Variants in ABCD3 observed in about 807,000 individuals in gnomAD.
The protein encoded by ABCD3 is ATP-binding cassette sub-family D member 3.
ABCD3 carries 41 observed loss-of-function variants against 105.5 expected under a neutral mutation model. The observed-to-expected ratio is 0.39, with a 90% CI of 0.30 to 0.50. The LOEUF (loss-of-function observed/expected upper bound fraction) is 0.50, where lower values mean the gene tolerates loss of function less well. ABCD3 is among the 20% of genes least tolerant of loss of function. The pLI is 0.84. For synonymous variants in ABCD3, 258 were observed against 269.0 expected, an observed-to-expected ratio of 0.96 and a Z score of 0.40; for missense variants, 622 against 806.3, an observed-to-expected ratio of 0.77 and a Z score of 2.77.
chr1:94,495,194 TCTTTTA>T (rs1649738271), intron 16 of ABCD3, among the ~76,000 whole-genome samples: 1 of 152,230 alleles, frequency 6.6e-6, no homozygotes, highest in South Asian at 2.1e-4. Context: ...ATATAATTTT[TCTTTTA>T]CTTAAATTTA....
intron 16 of ABCD3, among the ~76,000 whole-genome samples, chr1:94,493,871 A>C (rs1208558176): frequency 6.6e-6 from 1 of 151,610 alleles, no homozygotes; most frequent in African/African-American, 2.4e-5. Flanking sequence ...GCATATTCTC[A>C]CTCATAGGTG....
At chr1:94,478,650 A>G in intron 8 of ABCD3, 2 of 1,001,810 alleles carry the variant, frequency 2.0e-6, no homozygotes, top group Non-Finnish European at 2.9e-6. Context: ...CAGGAGTTCG[A>G]GACAAGCCTG....
At position 94,475,674 on chromosome 1, in the gene ABCD3, G is replaced by A; in HGVS notation, c.564G>A (p.Leu188=). The A allele has an allele frequency of 1.2e-6, 2 of 1,611,284 alleles. No homozygotes were observed. The highest frequency in any genetic ancestry group is 1.7e-6 in the Non-Finnish European group (2 of 1,177,770). Residue 188 remains leucine, a synonymous_variant, in exon 7 of 23, where the codon CTG becomes CTA. Coordinates refer to ENST00000370214, the MANE Select transcript of ABCD3 (RefSeq NM_002858.4). ...LDNRIANPDQ[L]LTQDVEKFCN... ...ACAGAATAGCTAATCCAGACCAGCT[G>A]CTTACACAAGATGTAGAAAAATTTT...
the ABCD3 span, among the ~76,000 whole-genome samples, chr1:94,387,740 T>C: frequency 6.6e-6 from 1 of 152,250 alleles, no homozygotes; most frequent in African/African-American, 2.4e-5. Context: ...TGTTATGCGA[T>C]CTTCAGCTCT....
rs1178646992 is a variant in ABCD3 at position 94,499,501 on chromosome 1, A to C, written c.1627A>C (p.Lys543Gln). Residue 543 changes from lysine to glutamine, a missense_variant, in exon 20 of 23, where the codon AAG becomes CAG. Lys to Gln is a moderately conservative substitution (Grantham distance 53, BLOSUM62 1). Coordinates refer to ENST00000370214, the MANE Select transcript of ABCD3 (RefSeq NM_002858.4). ...TTAATCATTTTGCTGAAAGGTACTGAAGGAATACTTAGACAATGTCCAGTT... is the reference window on the plus strand; with the variant it reads ...TTAATCATTTTGCTGAAAGGTACTGCAGGAATACTTAGACAATGTCCAGTT... ...KRKGISDLVL[K>Q]EYLDNVQLGH... is the part of the protein sequence containing the mutation. 6.8e-6 allele frequency: 11 copies of C among 1,613,316 alleles called. No individual in the cohort carries two copies. In the Admixed American group the frequency reaches 1.8e-4, roughly 27 times the overall value.
At chr1:94,417,833 T>C (rs1316861317), upstream of ABCD3, among the ~76,000 whole-genome samples, 2 of 152,232 alleles carry the variant, frequency 1.3e-5, no homozygotes, top group African/African-American at 4.8e-5. Context: ...CTAGAGATTA[T>C]AACCCGCGGT....
chr1:94,422,991 T>C (rs376300987), intron 1 of ABCD3, among the ~76,000 whole-genome samples: 36 of 152,354 alleles, frequency 2.4e-4, no homozygotes, highest in African/African-American at 8.7e-4. Context: ...AATCTGGTCT[T>C]ACTTTACCTG....
chr1:94,498,570 A>G (rs1244782369), intron 16 of ABCD3, 32 bp from the exon 17 acceptor site: 2 of 1,596,174 alleles, frequency 1.3e-6, no homozygotes, highest in East Asian at 2.2e-5. Flanking sequence ...TGATTTAATT[A>G]CTTCACAGAC....
chr1:94,488,818 A>T (rs1334037523), intron 13 of ABCD3, among the ~76,000 whole-genome samples: 304 of 145,896 alleles, frequency 2.1e-3, no homozygotes, highest in Middle Eastern at 7.1e-3. Flanking sequence ...GTTTCCTTTC[A>T]CTCTCTCTCT....
At chr1:94,450,901 T>C (rs1647221657) in intron 1 of ABCD3, among the ~76,000 whole-genome samples, 2 of 152,238 alleles carry the variant, frequency 1.3e-5, no homozygotes, top group South Asian at 2.1e-4. Context: ...CAATCGGTAA[T>C]ACTTTATCAT....
chr1:94,413,676 A>G (rs1309418958), upstream of ABCD3, among the ~76,000 whole-genome samples: 3 of 152,022 alleles, frequency 2.0e-5, no homozygotes, highest in Non-Finnish European at 4.4e-5. Context: ...TTCTCCTTCC[A>G]TTTCTAATTG....
chr1:94,416,175 C>T (rs370617952), upstream of ABCD3, among the ~76,000 whole-genome samples: 25 of 152,220 alleles, frequency 1.6e-4, no homozygotes, highest in African/African-American at 4.3e-4. Flanking sequence ...AAGATGATAC[C>T]GTTACTTTCT....
intron 10 of ABCD3, 40 bp downstream of exon 10, chr1:94,483,279 G>C (rs766639288): frequency 1.3e-6 from 2 of 1,530,498 alleles, no homozygotes. Context: ...TTATGGAAAG[G>C]GTTTTTTTTG....
At chr1:94,513,202 T>C (rs1219246583) in intron 21 of ABCD3, among the ~76,000 whole-genome samples, 1 of 152,086 alleles carries the variant, frequency 6.6e-6, no homozygotes, top group Non-Finnish European at 1.5e-5. Flanking sequence ...TATACATTTG[T>C]TCATGTTGGT....
At chr1:94,509,264 T>C (rs1219257736) in intron 21 of ABCD3, among the ~76,000 whole-genome samples, 3 of 152,216 alleles carry the variant, frequency 2.0e-5, no homozygotes, top group Non-Finnish European at 2.9e-5. Context: ...TTGTCTTTGG[T>C]TCTGTTTATA....
intron 9 of ABCD3, 89 bp from the exon 10 acceptor site, chr1:94,483,081 C>A: frequency 1.1e-6 from 1 of 870,932 alleles, no homozygotes; most frequent in Non-Finnish European, 1.9e-6. Context: ...CATTTAAATA[C>A]AAACATTCAG....
At chr1:94,448,892 CAG>C (rs1406552893) in intron 1 of ABCD3, among the ~76,000 whole-genome samples, 1 of 152,324 alleles carries the variant, frequency 6.6e-6, no homozygotes, top group East Asian at 1.9e-4. Context: ...GGGGGATAAA[CAG>C]GGACTACGGG....
chr1:94,428,051 A>G (rs1420826627), intron 1 of ABCD3, among the ~76,000 whole-genome samples: 1 of 151,910 alleles, frequency 6.6e-6, no homozygotes, highest in Non-Finnish European at 1.5e-5. Context: ...TAGGTAAAAT[A>G]GGAGTATGCT....
intron 21 of ABCD3, among the ~76,000 whole-genome samples, chr1:94,512,341 A>G (rs538630311): frequency 6.6e-6 from 1 of 152,094 alleles, no homozygotes; most frequent in East Asian, 1.9e-4. Context: ...GATATAAAAG[A>G]TACCTCATTT....
Sources: allele counts gnomAD v4.1 joint callset (sites outside exome capture counted in the v4.1 genomes callset), GRCh38; gene constraint gnomAD v4.1.1; transcripts MANE v1.5; gene names NCBI Gene and HGNC (gene_info 2026-07-23, HGNC 2026-07-21).